TRPC7: variants seen among roughly 807,000 people sequenced by gnomAD.
TRPC7 encodes the protein transient receptor potential cation channel subfamily C member 7.
Under a neutral mutation model 90.1 loss-of-function variants are expected in TRPC7, and 42 were observed. The observed-to-expected ratio is 0.47, with a 90% CI of 0.36 to 0.60. The LOEUF is 0.60. Ranked by LOEUF, TRPC7 falls within the 20% of genes least tolerant of loss-of-function variation. The pLI, the probability that TRPC7 is intolerant of heterozygous loss-of-function variation, is 0.00. For missense variants in TRPC7, 955 were observed against 1,112.3 expected (o/e 0.86, Z 2.01); for synonymous variants, 451 against 436.3 (o/e 1.03, Z -0.42).
At chr5:136,336,086 T>C (rs1334802708) in intron 2 of TRPC7, among the ~76,000 whole-genome samples, 2 of 152,002 alleles carry the variant, frequency 1.3e-5, no homozygotes, top group South Asian at 2.1e-4. Context: ...TCTTCTGCCT[T>C]TATGTCTTTT....
chr5:136,356,795 C>A lies in TRPC7; in HGVS notation c.593G>T (p.Cys198Phe). Residue 198 changes from cysteine (C) to phenylalanine (F), a missense_variant, in exon 2 of 12, where the codon TGC (cysteine) becomes TTC (phenylalanine). Physicochemically the swap from Cys to Phe is radical, Grantham distance 205 (BLOSUM62 -2). Transcript: ENST00000513104. ...ARIERPHDYF[C>F]KCNECTEKQR... ...TTTCTCGGTGCACTCATTGCACTTG[C>A]AGAAGTAGTCGTGGGGCCGCTCGAT... 1 of 1,612,402 alleles carries A rather than the reference C, an allele frequency of 6.2e-7. No homozygotes were observed. The highest frequency in any genetic ancestry group is 1.1e-5 in the South Asian group (1 of 91,002).
chr5:136,287,174 C>T (rs1757747787), intron 3 of TRPC7, among the ~76,000 whole-genome samples: 1 of 152,132 alleles, frequency 6.6e-6, no homozygotes, highest in Admixed American at 6.5e-5. Context: ...GTTTTCTTGC[C>T]TGAATATTCA....
At position 136,356,972 on chromosome 5, in the gene TRPC7, AGC is replaced by A; in HGVS notation, c.414_415del (p.Leu139GlnfsTer39). The A allele has an allele frequency of 6.2e-7, 1 of 1,612,326 alleles. No individual in the cohort carries two copies. Among genetic ancestry groups the A allele is most frequent in the Non-Finnish European group, 8.5e-7 (1 of 1,179,596 alleles). Reference sequence around the variant, plus strand: ...GCGCAGCTCCTGTTCCAGCGGGCTGAGCGTCAGGCGCTGGCCCTGCGCGAAGG... The same window carrying A: ...GCGCAGCTCCTGTTCCAGCGGGCTGAGTCAGGCGCTGGCCCTGCGCGAAGG... On this transcript the variant is annotated frameshift_variant, in exon 2 of 12. Coordinates refer to ENST00000513104, the MANE Select transcript of TRPC7 (RefSeq NM_020389.3). LOFTEE classifies it high-confidence loss of function.
rs779892544 is a variant in TRPC7, at chr5:136,251,837, C to T, written c.1391G>A (p.Arg464Gln). The stretch of plus-strand genomic sequence containing the variant: ...GTTCCACAAGTGCAGCACGTACTCC[C>T]GTGGCCCCTCCTCCCAGATTTCCTT... The part of the protein sequence containing the change: ...ECKEIWEEGP[R>Q]EYVLHLWNLL... Residue 464 changes from arginine (R) to glutamine (Q), a missense_variant, in exon 6 of 12, where the codon CGG (arginine) becomes CAG (glutamine). Physicochemically the swap from Arg to Gln is conservative, Grantham distance 43 (BLOSUM62 1). This residue lies in a region of TRPC7 where 484 missense variants were observed against 509.6 expected (regional missense o/e 0.95). Coordinates refer to ENST00000513104, the MANE Select transcript of TRPC7 (RefSeq NM_020389.3). The T allele has an allele frequency of 1.2e-6, 2 of 1,613,968 alleles. No homozygotes were observed. The highest frequency in any genetic ancestry group is 8.5e-7 in the Non-Finnish European group (1 of 1,179,890).
chr5:136,254,103 G>A (rs537185424), intron 5 of TRPC7, among the ~76,000 whole-genome samples: 1 of 152,298 alleles, frequency 6.6e-6, no homozygotes, highest in African/African-American at 2.4e-5. Flanking sequence ...GCAGAGGTTC[G>A]TTCATAAGGT....
chr5:136,326,144 G>A (rs925802676), intron 2 of TRPC7, among the ~76,000 whole-genome samples: 4 of 152,222 alleles, frequency 2.6e-5, no homozygotes, highest in Admixed American at 2.0e-4. Context: ...CACTTGCTCA[G>A]GCCCATGCCC....
intron 3 of TRPC7, among the ~76,000 whole-genome samples, chr5:136,278,650 G>A (rs1757446999): frequency 6.6e-6 from 1 of 152,196 alleles, no homozygotes; most frequent in Non-Finnish European, 1.5e-5. Flanking sequence ...ACCATCATCT[G>A]GAGGGGATGC....
chr5:136,213,337 G>A lies in TRPC7; in HGVS notation c.*98C>T. The A allele has an allele frequency of 5.6e-6, 7 of 1,250,062 alleles. No homozygotes were observed. Among genetic ancestry groups the A allele is most frequent in the Non-Finnish European group, 7.9e-6 (7 of 889,898 alleles). The allele number at this position is 1,250,062 out of a possible 1,614,324, so 77.4% of individuals were successfully genotyped here. ...CAGGAGATCCCCTTCGTGTCCTAGA[G>A]GAGTGGGCTGGGGACCCCTCCCCAC... is the stretch of plus-strand genomic sequence containing the variant. On this transcript the variant is annotated 3_prime_UTR_variant, in exon 12 of 12. Coordinates refer to ENST00000513104, the MANE Select transcript of TRPC7 (RefSeq NM_020389.3).
intron 4 of TRPC7, among the ~76,000 whole-genome samples, chr5:136,270,203 A>T (rs1284355950): frequency 6.6e-6 from 1 of 152,224 alleles, no homozygotes; most frequent in Non-Finnish European, 1.5e-5. Context: ...GTGCATTTGC[A>T]TGCAGCCATT....
intron 2 of TRPC7, among the ~76,000 whole-genome samples, chr5:136,333,429 G>T (rs1248598694): frequency 6.6e-6 from 1 of 152,214 alleles, no homozygotes; most frequent in Non-Finnish European, 1.5e-5. Context: ...GTTAGGAGAA[G>T]TTAACAGGAG....
intron 3 of TRPC7, among the ~76,000 whole-genome samples, chr5:136,313,373 G>GTCTATCTA (rs1472445604): frequency 0.047 from 4,336 of 92,934 alleles, 76 homozygotes; most frequent in Middle Eastern, 0.064. Context: ...CTCAGGAGAT[G>GTCTATCTA]TCTGTCTATC....
chr5:136,310,295 AC>A, intron 3 of TRPC7, among the ~76,000 whole-genome samples: 1 of 152,210 alleles, frequency 6.6e-6, no homozygotes, highest in Middle Eastern at 3.4e-3. Context: ...GCAAACATGA[AC>A]TTTTCAGTGA....
intron 3 of TRPC7, among the ~76,000 whole-genome samples, chr5:136,314,724 G>A (rs1204905413): frequency 6.6e-6 from 1 of 152,068 alleles, no homozygotes; most frequent in Non-Finnish European, 1.5e-5. Context: ...CCAGTCTGGG[G>A]GCTTTAAAAA....
chr5:136,355,327 T>G (rs1474597770), intron 2 of TRPC7, among the ~76,000 whole-genome samples: 2 of 152,150 alleles, frequency 1.3e-5, no homozygotes, highest in East Asian at 1.9e-4. Context: ...GGGGTCTGAG[T>G]GCTTAGATTA....
chr5:136,326,692 C>T (rs1017873470), intron 2 of TRPC7, among the ~76,000 whole-genome samples: 7 of 151,986 alleles, frequency 4.6e-5, no homozygotes, highest in African/African-American at 1.7e-4. Context: ...TTTTTCCTAA[C>T]CACATTCACC....
At chr5:136,290,534 G>C (rs1203797784) in intron 3 of TRPC7, among the ~76,000 whole-genome samples, 1 of 152,066 alleles carries the variant, frequency 6.6e-6, no homozygotes, top group Admixed American at 6.6e-5. Flanking sequence ...TGGAAGAAAG[G>C]GTATCAGCGA....
At chr5:136,329,311 C>T (rs763365351) in intron 2 of TRPC7, among the ~76,000 whole-genome samples, 1 of 152,200 alleles carries the variant, frequency 6.6e-6, no homozygotes, top group African/African-American at 2.4e-5. Context: ...TGGGCACCCA[C>T]TGTATGCCAG....
chr5:136,357,289 G>A lies in TRPC7; in HGVS notation c.99C>T (p.Phe33=). 1 of 1,612,348 alleles carries A rather than the reference G, an allele frequency of 6.2e-7. No homozygotes were observed. The highest frequency in any genetic ancestry group is 1.1e-5 in the South Asian group (1 of 91,084). ...RQAIRGPAYM[F]NEKGTSLTPE... ...GCGTCAGACTGGTGCCCTTCTCGTT[G>A]AACATGTAGGCGGGACCCCGGATGG... Residue 33 remains phenylalanine, a synonymous_variant, in exon 2 of 12, where the codon TTC becomes TTT. Transcript: ENST00000513104.
At chr5:136,295,310 CA>C (rs1158010018) in intron 3 of TRPC7, among the ~76,000 whole-genome samples, 1 of 152,052 alleles carries the variant, frequency 6.6e-6, no homozygotes, top group African/African-American at 2.4e-5. Flanking sequence ...TAAAGAAAAA[CA>C]AGTATTATGT....
Sources: gnomAD v4.1 joint callset for allele counts (sites outside exome capture counted in the v4.1 genomes callset) on GRCh38, gnomAD v4.1.1 for gene constraint, gnomAD v4.1.1 regional missense constraint, MANE v1.5 for transcripts, NCBI Gene and HGNC (gene_info 2026-07-23, HGNC 2026-07-21) for gene names.